CNTNAP3: variants seen among roughly 807,000 people sequenced by gnomAD.
The protein encoded by CNTNAP3 is contactin associated protein family member 3, also known as contactin-associated protein-like 3.
CNTNAP3 carries 36 observed loss-of-function variants against 92.1 expected under a neutral mutation model. That is an observed-to-expected ratio of 0.39 (90% CI 0.30 to 0.52). The LOEUF (loss-of-function observed/expected upper bound fraction) is 0.52, where lower values mean the gene tolerates loss of function less well. Among genes scored for constraint, CNTNAP3 ranks in the 20% least tolerant of loss-of-function variants. The pLI is 0.76. For synonymous variants in CNTNAP3, 232 were observed against 422.3 expected, an observed-to-expected ratio of 0.55 and a Z score of 5.53; for missense variants, 534 against 1,069.6, an observed-to-expected ratio of 0.50 and a Z score of 6.98.
chr9:39,136,434 T>A (rs1182570746), intron 12 of CNTNAP3, among the ~76,000 whole-genome samples: 1 of 152,028 alleles, frequency 6.6e-6, no homozygotes, highest in Non-Finnish European at 1.5e-5. Flanking sequence ...TCTGAGAAAA[T>A]CTTTATTTCT....
chr9:39,110,504 CT>C, intron 14 of CNTNAP3, among the ~76,000 whole-genome samples: 1 of 152,240 alleles, frequency 6.6e-6, no homozygotes, highest in East Asian at 1.9e-4. Context: ...ATATTTTAGT[CT>C]CTGCCTTCTG....
At chr9:39,102,750 A>G in intron 16 of CNTNAP3, 35 bp from the exon 17 acceptor site, 1 of 725,370 alleles carries the variant, frequency 1.4e-6, no homozygotes, top group Non-Finnish European at 2.4e-6. Flanking sequence ...GCTCAAGCAA[A>G]TTCACAGAAA....
intron 12 of CNTNAP3, among the ~76,000 whole-genome samples, chr9:39,134,691 G>T (rs1307941586): frequency 6.6e-6 from 1 of 152,214 alleles, no homozygotes; most frequent in Admixed American, 6.5e-5. Context: ...GCCTCCCAAA[G>T]TGCTGGGATT....
At chr9:39,093,721 C>A (rs1202327589) in intron 18 of CNTNAP3, among the ~76,000 whole-genome samples, 1 of 151,484 alleles carries the variant, frequency 6.6e-6, no homozygotes, top group Non-Finnish European at 1.5e-5. Context: ...AATGGCTGAA[C>A]AATATACCAT....
intron 15 of CNTNAP3, among the ~76,000 whole-genome samples, chr9:39,105,934 G>T (rs1192889687): frequency 3.3e-5 from 5 of 151,094 alleles, no homozygotes; most frequent in Non-Finnish European, 7.4e-5. Context: ...TAAAATCCAT[G>T]AGTTCATGTG....
intron 12 of CNTNAP3, among the ~76,000 whole-genome samples, chr9:39,136,747 A>G (rs1447437050): frequency 6.6e-6 from 1 of 152,046 alleles, no homozygotes; most frequent in Admixed American, 6.6e-5. Context: ...CTAAAAATAC[A>G]AAAATTAGCC....
chr9:39,100,730 C>T (rs957967239), intron 17 of CNTNAP3, among the ~76,000 whole-genome samples: 6 of 151,898 alleles, frequency 4.0e-5, no homozygotes, highest in African/African-American at 9.7e-5. Flanking sequence ...GGGTACAGTG[C>T]TAAACAGTAA....
chr9:39,074,989 C>G (rs1230489083), intron 23 of CNTNAP3, among the ~76,000 whole-genome samples: 5 of 152,272 alleles, frequency 3.3e-5, no homozygotes, highest in African/African-American at 4.8e-5. Flanking sequence ...AGGATGGTCT[C>G]GATCTCCTGA....
chr9:39,128,311 A>G (rs1038586459), intron 13 of CNTNAP3, among the ~76,000 whole-genome samples: 1 of 152,098 alleles, frequency 6.6e-6, no homozygotes, highest in East Asian at 1.9e-4. Flanking sequence ...ACATATCAAT[A>G]TCTCTTATGA....
chr9:39,088,545 C>G lies in CNTNAP3; in HGVS notation c.3098G>C (p.Arg1033Thr), dbSNP rs1193794106. 1.9e-6 allele frequency: 3 copies of G among 1,597,484 alleles called. No homozygotes were observed. In the African/African-American group the frequency reaches 4.0e-5, roughly 21 times the overall value. ...CATTTCTCTGGTCAATGTTACATCTCTGTGTAATGAAGAAACGAGAGAGCT... is the reference window on the plus strand; with the variant it reads ...CATTTCTCTGGTCAATGTTACATCTGTGTGTAATGAAGAAACGAGAGAGCT... ...NSSSLVSSLH[R>T]DVTLTREMIT... The change falls in exon 19 of 24, where the codon AGA becomes ACA. Residue 1033 changes from arginine (R) to threonine (T), a missense_variant. By Grantham distance (71) the Arg-to-Thr change is moderately conservative. Coordinates refer to ENST00000297668, the MANE Select transcript of CNTNAP3 (RefSeq NM_033655.5).
At chr9:39,097,933 G>C (rs1443613741) in intron 18 of CNTNAP3, among the ~76,000 whole-genome samples, 2 of 150,666 alleles carry the variant, frequency 1.3e-5, no homozygotes, top group African/African-American at 2.4e-5. Context: ...AGGGTTTACA[G>C]AGCTCCTTAT....
Position 39,067,210 on chromosome 9 carries a change from C to T in CNTNAP3, c.*6680G>A, listed in dbSNP as rs1485615085. 1.3e-5 allele frequency among the ~76,000 whole-genome samples: 2 copies of T among 152,360 alleles called. No individual in the cohort carries two copies. The highest frequency in any genetic ancestry group is 4.8e-5 in the African/African-American group (2 of 41,546). ...TCTCGAAGTTTAATTAAAGCCTTTTCTTGTCACATCCTAATCTTTGAAAAT... is the reference window on the plus strand; with the variant it reads ...TCTCGAAGTTTAATTAAAGCCTTTTTTTGTCACATCCTAATCTTTGAAAAT... On this transcript the variant is annotated 3_prime_UTR_variant, in exon 24 of 24. Transcript: ENST00000297668.
In CNTNAP3 at chr9:39,064,803, A is replaced by G. The variant is rs1340582096; in HGVS notation, c.*9087T>C. 6.6e-6 allele frequency among the ~76,000 whole-genome samples: 1 copy of G among 152,310 alleles called. No homozygotes were observed. Among genetic ancestry groups the G allele is most frequent in the East Asian group, 1.9e-4 (1 of 5,208 alleles). ...TTTGACATTTGTATTGTACTGTGAA[A>G]GATTTATATGTATTTGTATAAAAAA... On this transcript the variant is annotated 3_prime_UTR_variant, in exon 24 of 24. Transcript: ENST00000297668.
chr9:39,093,711 A>T (rs1442236348), intron 18 of CNTNAP3, among the ~76,000 whole-genome samples: 1 of 151,432 alleles, frequency 6.6e-6, no homozygotes, highest in East Asian at 1.9e-4. Flanking sequence ...CATTCCTTTT[A>T]ATGGCTGAAC....
intron 21 of CNTNAP3, among the ~76,000 whole-genome samples, chr9:39,081,850 G>A (rs1366323671): frequency 1.3e-5 from 2 of 150,436 alleles, no homozygotes; most frequent in South Asian, 4.2e-4. Context: ...AGGCCGAGGT[G>A]GGCGGATGAT....
At position 39,118,303 on chromosome 9, in the gene CNTNAP3, A is replaced by C. The variant is rs376326456; in HGVS notation, c.2081-44T>G. The C allele has an allele frequency of 1.7e-4, 270 of 1,611,596 alleles. 1 individual carries two copies. Among genetic ancestry groups the C allele is most frequent in the Non-Finnish European group, 2.2e-4 (261 of 1,179,178 alleles). On this transcript the variant is annotated intron_variant, in intron 13 of 23. Transcript: ENST00000297668. ...AAACATGACATCTACTTTGTCCCTC[A>C]CTACCACCCTCCCCATATAGCTCCC...
At chr9:39,139,022 T>G (rs1322038708) in intron 12 of CNTNAP3, among the ~76,000 whole-genome samples, 13 of 152,306 alleles carry the variant, frequency 8.5e-5, no homozygotes, top group South Asian at 2.1e-4. Context: ...TTTCAAGCTA[T>G]TAGAGTAGTT....
At chr9:39,110,732 T>C (rs1826725623) in intron 14 of CNTNAP3, among the ~76,000 whole-genome samples, 1 of 152,174 alleles carries the variant, frequency 6.6e-6, no homozygotes, top group Non-Finnish European at 1.5e-5. Context: ...TGTAACTGTA[T>C]ATGTAATAAA....
chr9:39,091,635 A>G, intron 18 of CNTNAP3, among the ~76,000 whole-genome samples: 1 of 151,802 alleles, frequency 6.6e-6, no homozygotes, highest in Non-Finnish European at 1.5e-5. Context: ...TATCTACTTA[A>G]ATGATATTGG....
Sources: gnomAD v4.1 joint callset for allele counts (sites outside exome capture counted in the v4.1 genomes callset) on GRCh38, gnomAD v4.1.1 for gene constraint, MANE v1.5 for transcripts, NCBI Gene and HGNC (gene_info 2026-07-23, HGNC 2026-07-21) for gene names.